The following NUP210L variants were observed in gnomAD, a reference collection of about 807,000 sequenced individuals.
The protein encoded by NUP210L is nuclear pore membrane glycoprotein 210-like.
In NUP210L, 74 loss-of-function variants were observed where a neutral mutation model predicts 208.5. The ratio of observed to expected loss-of-function variants is 0.35; its 90% confidence interval spans 0.29 to 0.43. The LOEUF is 0.43. Among genes scored for constraint, NUP210L ranks in the 20% least tolerant of loss-of-function variants. The pLI, the probability that NUP210L is intolerant of heterozygous loss-of-function variation, is 1.00. For missense variants in NUP210L, 1,843 were observed against 2,289.4 expected (o/e 0.81, Z 3.98); for synonymous variants, 780 against 816.9 (o/e 0.95, Z 0.77).
exon 15 of NUP210L, chr1:154,094,959 G>A: frequency 6.2e-7 from 1 of 1,613,996 alleles, no homozygotes; most frequent in South Asian, 1.1e-5. Flanking sequence ...CCAGGCATTG[G>A]ATCCGGTAGA....
chr1:154,140,666 C>CAAAAAAAAAAAAAAAAAAAAAAAAAAAA (rs1434093544), intron 4 of NUP210L, among the ~76,000 whole-genome samples: 8 of 102,468 alleles, frequency 7.8e-5, no homozygotes, highest in South Asian at 3.0e-4. Context: ...GACTCCATCT[C>CAAAAAAAAAAAAAAAAAAAAAAAAAAAA]AAAAAAAAAA....
At chr1:154,104,169 A>C in exon 13 of NUP210L, 1 of 1,614,100 alleles carries the variant, frequency 6.2e-7, no homozygotes, top group Non-Finnish European at 8.5e-7. Context: ...CATCAGCATG[A>C]AATGGTAACA....
chr1:154,131,645 G>A (rs1411693281), intron 7 of NUP210L, among the ~76,000 whole-genome samples: 2 of 151,662 alleles, frequency 1.3e-5, no homozygotes, highest in East Asian at 3.9e-4. Context: ...TGTTTTTACT[G>A]ACAAAGTGAC....
intron 27 of NUP210L, 74 bp downstream of exon 27, chr1:154,045,995 G>T (rs564940601): frequency 1.4e-5 from 20 of 1,403,534 alleles, no homozygotes; most frequent in African/African-American, 1.3e-4. Context: ...AAAACAAAAA[G>T]AAACTTATGA....
At chr1:154,059,251 C>T (rs1410948027) in intron 20 of NUP210L, among the ~76,000 whole-genome samples, 7 of 151,564 alleles carry the variant, frequency 4.6e-5, no homozygotes, top group African/African-American at 1.5e-4. Context: ...GGGAGGATCA[C>T]TTGAATTTGG....
chr1:154,127,619 C>T (rs1246544038), intron 8 of NUP210L, among the ~76,000 whole-genome samples: 4 of 133,090 alleles, frequency 3.0e-5, no homozygotes, highest in Non-Finnish European at 6.1e-5. Flanking sequence ...GTGATGATTT[C>T]GGCTCACTGC....
At chr1:154,076,943 G>A (rs1251075864) in intron 16 of NUP210L, among the ~76,000 whole-genome samples, 1 of 152,072 alleles carries the variant, frequency 6.6e-6, no homozygotes, top group Non-Finnish European at 1.5e-5. Context: ...TAATCAATCT[G>A]TCCAGAGTCA....
Position 154,072,381 on chromosome 1 carries a change from A to G in NUP210L, c.2362-1916T>C, listed in dbSNP as rs375177983. Among the ~76,000 whole-genome samples, 807 of 120,738 alleles carry G rather than the reference A, an allele frequency of 6.7e-3. 6 individuals are homozygous for G. The highest frequency in any genetic ancestry group is 0.029 in the Middle Eastern group (3 of 102). 79.2% of individuals were successfully genotyped at this position (120,738 alleles called of 152,430 possible). A position where few individuals can be genotyped will look rare whatever the true frequency, so the allele number is the denominator to read the frequency against. On this transcript the variant is annotated intron_variant, in intron 16 of 39. Transcript: ENST00000368559. ...GGAGTCTCGCTCTGTTGCCCAGGCTAGAGTGCAGTGGTGAGATCTCGGCTC... is the reference window on the plus strand; with the variant it reads ...GGAGTCTCGCTCTGTTGCCCAGGCTGGAGTGCAGTGGTGAGATCTCGGCTC...
chr1:154,140,774 A>G (rs1381968317), intron 4 of NUP210L, among the ~76,000 whole-genome samples: 4 of 151,666 alleles, frequency 2.6e-5, no homozygotes, highest in African/African-American at 9.7e-5. Flanking sequence ...GGAGGTCAGG[A>G]GATTGAGAAC....
intron 17 of NUP210L, among the ~76,000 whole-genome samples, chr1:154,063,113 T>A (rs899476337): frequency 1.3e-5 from 2 of 152,112 alleles, no homozygotes; most frequent in Admixed American, 1.3e-4. Flanking sequence ...AACCCATAGT[T>A]TAGTGAGGGG....
chr1:154,041,962 A>G (rs1185840527), intron 27 of NUP210L, among the ~76,000 whole-genome samples: 2 of 152,170 alleles, frequency 1.3e-5, no homozygotes, highest in African/African-American at 2.4e-5. Flanking sequence ...GCAGATTTCA[A>G]TCAGTTATCT....
At chr1:154,111,025 C>T (rs1180317483) in intron 12 of NUP210L, among the ~76,000 whole-genome samples, 1 of 148,028 alleles carries the variant, frequency 6.8e-6, no homozygotes, top group Non-Finnish European at 1.5e-5. Flanking sequence ...AAAAGATAAA[C>T]AAAATCGACA....
chr1:154,082,472 G>C (rs1655389339), intron 16 of NUP210L, among the ~76,000 whole-genome samples: 1 of 152,134 alleles, frequency 6.6e-6, no homozygotes. Context: ...ATAATAGTTA[G>C]AGCTTGTAGA....
chr1:154,131,316 A>C (rs537077487), intron 7 of NUP210L, among the ~76,000 whole-genome samples: 13 of 152,004 alleles, frequency 8.6e-5, no homozygotes, highest in Non-Finnish European at 1.9e-4. Context: ...GAAAGTCAGC[A>C]ATAACAACAT....
intron 16 of NUP210L, among the ~76,000 whole-genome samples, chr1:154,080,334 T>C (rs1655254673): frequency 7.0e-6 from 1 of 143,114 alleles, no homozygotes; most frequent in African/African-American, 2.6e-5. Context: ...CACTCCAGCC[T>C]GGGCGACAGA....
intron 28 of NUP210L, 32 bp from the exon 29 acceptor site, chr1:154,027,629 G>C: frequency 6.7e-7 from 1 of 1,490,398 alleles, no homozygotes; most frequent in Admixed American, 1.7e-5. Flanking sequence ...CTCATTTTTG[G>C]CAAAGACAAA....
intron 16 of NUP210L, among the ~76,000 whole-genome samples, chr1:154,072,112 T>C (rs939240525): frequency 6.6e-6 from 1 of 152,020 alleles, no homozygotes; most frequent in African/African-American, 2.4e-5. Context: ...CTTTTTCATA[T>C]AATGACTTCT....
chr1:154,070,135 G>A, intron 17 of NUP210L, 138 bp downstream of exon 17: 1 of 633,990 alleles, frequency 1.6e-6, no homozygotes, highest in Non-Finnish European at 2.7e-6. Context: ...AACCAACATG[G>A]CACATGTATA....
At chr1:154,022,374 T>C (rs751411024) in intron 31 of NUP210L, 31 bp from the exon 32 acceptor site, 23 of 1,561,618 alleles carry the variant, frequency 1.5e-5, no homozygotes, top group Non-Finnish European at 1.9e-5. Flanking sequence ...TAGAAATCTT[T>C]AAAAAGAGAC....
Sources: gnomAD v4.1 joint callset for allele counts (sites outside exome capture counted in the v4.1 genomes callset) on GRCh38, gnomAD v4.1.1 for gene constraint, MANE v1.5 for transcripts, NCBI Gene and HGNC (gene_info 2026-07-23, HGNC 2026-07-21) for gene names.